The following SVOP variants were observed in gnomAD, a reference collection of about 807,000 sequenced individuals.
SVOP encodes the protein SV2 related protein.
Under a neutral mutation model 69.1 loss-of-function variants are expected in SVOP, and 17 were observed. The ratio of observed to expected loss-of-function variants is 0.25; its 90% CI spans 0.17 to 0.37. SVOP has a LOEUF of 0.37. Ranked by LOEUF, SVOP falls within the 10% of genes least tolerant of loss-of-function variation. The pLI, the probability that SVOP is intolerant of heterozygous loss-of-function variation, is 1.00. For missense variants in SVOP, 435 were observed against 597.5 expected, an observed-to-expected ratio of 0.73 and a Z score of 2.84; for synonymous variants, 238 against 238.6, an observed-to-expected ratio of 1.00 and a Z score of 0.02.
At chr12:108,951,843 T>A (rs1421315445) in intron 6 of SVOP, among the ~76,000 whole-genome samples, 1 of 152,254 alleles carries the variant, frequency 6.6e-6, no homozygotes. Flanking sequence ...CCGGTATCTA[T>A]GCACCTTTGC....
chr12:108,939,381 G>A (rs2039876382), intron 8 of SVOP, among the ~76,000 whole-genome samples: 2 of 152,170 alleles, frequency 1.3e-5, no homozygotes, highest in South Asian at 4.1e-4. Flanking sequence ...CACCCCCATT[G>A]TTCAAGGAAT....
intron 1 of SVOP, among the ~76,000 whole-genome samples, chr12:108,986,584 C>CACA (rs2040167011): frequency 1.3e-5 from 2 of 152,170 alleles, no homozygotes; most frequent in Admixed American, 1.3e-4. Context: ...CTCCATCGCT[C>CACA]ACATCTTCAT....
At position 108,937,280 on chromosome 12, in the gene SVOP, G is replaced by A. The variant is rs549505762; in HGVS notation, c.955C>T (p.Leu319=). 1 of 1,613,958 alleles carries A rather than the reference G, an allele frequency of 6.2e-7. No individual in the cohort carries two copies. Among genetic ancestry groups the A allele is most frequent in the Admixed American group, 1.7e-5 (1 of 60,016 alleles). The part of the protein sequence containing the change: ...FTPHFRWTTL[L]LWFIWFSNAF... ...AGCTCTTACCATATAAACCACAGCA[G>A]CAAAGTTGTCCATCTAAAATGGGGT... Residue 319 remains leucine, a synonymous_variant, in exon 10 of 16, where the codon CTG becomes TTG. Transcript: ENST00000610966.
At chr12:109,011,153 G>C (rs1033439714) in intron 1 of SVOP, among the ~76,000 whole-genome samples, 1 of 152,062 alleles carries the variant, frequency 6.6e-6, no homozygotes, top group Non-Finnish European at 1.5e-5. Context: ...GACCTCAAGC[G>C]ATCCTCCCAC....
chr12:108,943,601 A>G (rs1199573557), intron 7 of SVOP, among the ~76,000 whole-genome samples: 3 of 6,318 alleles, frequency 4.7e-4, no homozygotes, highest in Non-Finnish European at 1.2e-3. Flanking sequence ...CTGTCTCACA[A>G]AAAAAAAAAA....
chr12:108,997,894 C>T (rs1186565604), intron 1 of SVOP, among the ~76,000 whole-genome samples: 6 of 147,940 alleles, frequency 4.1e-5, no homozygotes, highest in South Asian at 4.4e-4. Context: ...AACTCTAAAA[C>T]GCAGAGCGCC....
At chr12:108,997,001 C>T (rs1415510100) in intron 1 of SVOP, among the ~76,000 whole-genome samples, 2 of 152,174 alleles carry the variant, frequency 1.3e-5, no homozygotes, top group African/African-American at 4.8e-5. Context: ...CAGCTCCCAG[C>T]GTGAGCGACA....
At chr12:108,940,671 A>T in intron 8 of SVOP, 113 bp downstream of exon 8, 2 of 1,435,402 alleles carry the variant, frequency 1.4e-6, no homozygotes, top group Non-Finnish European at 1.8e-6. Flanking sequence ...TGATTTAAAA[A>T]AAATAATCTT....
chr12:108,922,045 G>T (rs1385877312), intron 12 of SVOP, among the ~76,000 whole-genome samples: 2 of 152,168 alleles, frequency 1.3e-5, no homozygotes, highest in Non-Finnish European at 2.9e-5. Context: ...CAGTGTGCCT[G>T]GTGTTGGAGG....
rs180902395 is a variant in SVOP at position 108,955,581 on chromosome 12, A to G, written c.578+5342T>C. On this transcript the variant is annotated intron_variant, in intron 6 of 15. Transcript: ENST00000610966. Reference sequence around the variant, plus strand: ...TGAGGAGAGCTGAGAGCCACTCACCATCCTTCCAGCCTCCCAAGTGGCAGG... The same window carrying G: ...TGAGGAGAGCTGAGAGCCACTCACCGTCCTTCCAGCCTCCCAAGTGGCAGG... Among the ~76,000 whole-genome samples, 418 of 152,274 alleles carry G rather than the reference A, an allele frequency of 2.7e-3. 2 individuals carry two copies. Among genetic ancestry groups the G allele is most frequent in the Non-Finnish European group, 4.5e-3 (309 of 68,028 alleles).
intron 1 of SVOP, among the ~76,000 whole-genome samples, chr12:108,993,378 C>CAAAAA: frequency 1.4e-5 from 2 of 139,930 alleles, no homozygotes; most frequent in South Asian, 2.2e-4. Flanking sequence ...ATTTTGCCTT[C>CAAAAA]AAAAAAAAAA....
At chr12:108,980,442 A>G (rs1308510983) in intron 2 of SVOP, among the ~76,000 whole-genome samples, 1 of 152,108 alleles carries the variant, frequency 6.6e-6, no homozygotes, top group Non-Finnish European at 1.5e-5. Context: ...TCCAAAATGA[A>G]TAGTTAATTA....
chr12:108,924,125 C>T (rs2039766485), intron 11 of SVOP, among the ~76,000 whole-genome samples: 4 of 152,156 alleles, frequency 2.6e-5, no homozygotes, highest in Admixed American at 2.6e-4. Flanking sequence ...TCTGAGGACA[C>T]AGTGTTTGCC....
chr12:108,948,285 A>G (rs138216133), intron 6 of SVOP, among the ~76,000 whole-genome samples: 2,446 of 152,184 alleles, frequency 0.016, 30 homozygotes, highest in Middle Eastern at 0.082. Flanking sequence ...TCAATAAATC[A>G]CTTATAGAGG....
chr12:108,983,352 T>C (rs2040152375), intron 2 of SVOP, among the ~76,000 whole-genome samples: 1 of 152,148 alleles, frequency 6.6e-6, no homozygotes, highest in Non-Finnish European at 1.5e-5. Flanking sequence ...ATCATCTTTG[T>C]CACCATTATC....
chr12:108,989,839 T>C (rs1370066614), intron 1 of SVOP, among the ~76,000 whole-genome samples: 2 of 152,248 alleles, frequency 1.3e-5, no homozygotes, highest in Non-Finnish European at 2.9e-5. Flanking sequence ...TGAATTCCCC[T>C]TCCTCGAACT....
Position 108,912,497 on chromosome 12 carries a change from C to T in SVOP, c.*38G>A. 6.2e-7 allele frequency: 1 copy of T among 1,611,138 alleles called. No individual in the cohort carries two copies. Among genetic ancestry groups the T allele is most frequent in the Non-Finnish European group, 8.5e-7 (1 of 1,177,490 alleles). Reference sequence around the variant, plus strand: ...TTGGGGCCTGCCAGCCCCCCAAGCTCTGCAGCCTCAAAGACCAGCTCAGTC... The same window carrying T: ...TTGGGGCCTGCCAGCCCCCCAAGCTTTGCAGCCTCAAAGACCAGCTCAGTC... On this transcript the variant is annotated 3_prime_UTR_variant, in exon 16 of 16. Coordinates refer to ENST00000610966, the MANE Select transcript of SVOP (RefSeq NM_018711.5).
intron 8 of SVOP, 112 bp downstream of exon 8, chr12:108,940,672 A>G: frequency 7.0e-7 from 1 of 1,437,418 alleles, no homozygotes; most frequent in Non-Finnish European, 9.2e-7. Context: ...GATTTAAAAA[A>G]AATAATCTTG....
intron 10 of SVOP, among the ~76,000 whole-genome samples, 152 bp from the exon 11 acceptor site, chr12:108,934,423 A>G (rs1380498220): frequency 3.3e-5 from 5 of 152,158 alleles, no homozygotes; most frequent in African/African-American, 1.2e-4. Flanking sequence ...GACCTTGAGC[A>G]AGAAGATGGT....
Sources: allele counts gnomAD v4.1 joint callset (sites outside exome capture counted in the v4.1 genomes callset), GRCh38; gene constraint gnomAD v4.1.1; transcripts MANE v1.5; gene names NCBI Gene and HGNC (gene_info 2026-07-23, HGNC 2026-07-21).